The following FRMD4B variants were observed in gnomAD, a reference collection of about 807,000 sequenced individuals.
The protein encoded by FRMD4B is FERM domain-containing protein 4B.
Under a neutral mutation model 141.5 loss-of-function variants are expected in FRMD4B, and 74 were observed. The ratio of observed to expected loss-of-function variants is 0.52; its 90% CI spans 0.43 to 0.63. FRMD4B has a LOEUF of 0.63. FRMD4B is among the 30% of genes least tolerant of loss of function. The pLI is 0.00. For missense variants in FRMD4B, 1,366 were observed against 1,253.4 expected (o/e 1.09, Z -1.36); for synonymous variants, 506 against 467.9 (o/e 1.08, Z -1.05).
At chr3:69,500,733 T>A (rs1232587070) in intron 1 of FRMD4B, among the ~76,000 whole-genome samples, 3 of 142,960 alleles carry the variant, frequency 2.1e-5, no homozygotes, top group African/African-American at 7.9e-5. Context: ...AGGGAAGCAG[T>A]GACTGCCACA....
intron 7 of FRMD4B, among the ~76,000 whole-genome samples, chr3:69,237,798 T>A (rs1477351316): frequency 1.3e-5 from 2 of 152,212 alleles, no homozygotes; most frequent in Non-Finnish European, 2.9e-5. Flanking sequence ...TGGCGCGATC[T>A]CGGCTGACTG....
chr3:69,367,493 T>C (rs1200850151), intron 1 of FRMD4B, among the ~76,000 whole-genome samples: 4 of 151,814 alleles, frequency 2.6e-5, no homozygotes, highest in African/African-American at 7.3e-5. Flanking sequence ...TATATTGTCT[T>C]GTACTTTGTT....
chr3:69,257,733 C>T (rs1479039752), intron 5 of FRMD4B, among the ~76,000 whole-genome samples: 2 of 151,988 alleles, frequency 1.3e-5, no homozygotes, highest in African/African-American at 4.8e-5. Context: ...GCTGTCCTGG[C>T]TCACTGCAGT....
chr3:69,376,086 GACAC>G (rs1226659287), intron 1 of FRMD4B, among the ~76,000 whole-genome samples: 1 of 152,166 alleles, frequency 6.6e-6, no homozygotes, highest in Non-Finnish European at 1.5e-5. Flanking sequence ...AAATTTTACA[GACAC>G]ACAAAGAATT....
chr3:69,256,116 G>C (rs182708292), intron 5 of FRMD4B, among the ~76,000 whole-genome samples: 8 of 151,974 alleles, frequency 5.3e-5, no homozygotes, highest in South Asian at 2.1e-4. Context: ...AAAAGGTTGG[G>C]GGGGAGGGAC....
rs557712046 is a variant in FRMD4B at position 69,242,162 on chromosome 3, C to T, written c.581+7064G>A. On this transcript the variant is annotated intron_variant, in intron 7 of 22. Transcript: ENST00000398540. ...AATGGTTCCAGAGAGGCTAGGCAAA[C>T]TACCCACAGGTACATAACAAGTGGC... Among the ~76,000 whole-genome samples, 14 of 152,294 alleles carry T rather than the reference C, an allele frequency of 9.2e-5. No homozygotes were observed. In the South Asian group the frequency reaches 2.5e-3, roughly 27 times the overall value.
chr3:69,456,733 T>TAAA (rs60484143), intron 1 of FRMD4B, among the ~76,000 whole-genome samples: 53 of 129,164 alleles, frequency 4.1e-4, no homozygotes, highest in Non-Finnish European at 6.5e-4. Context: ...TCCATTTTTG[T>TAAA]AAAAAAAAAA....
intron 1 of FRMD4B, among the ~76,000 whole-genome samples, chr3:69,509,571 T>C (rs1056620970): frequency 6.6e-6 from 1 of 152,136 alleles, no homozygotes; most frequent in Admixed American, 6.5e-5. Context: ...GAAACGTGGG[T>C]CTAAATTTGA....
At chr3:69,425,234 G>A (rs1265185952) in intron 2 of FRMD4B, among the ~76,000 whole-genome samples, 1 of 152,106 alleles carries the variant, frequency 6.6e-6, no homozygotes, top group African/African-American at 2.4e-5. Flanking sequence ...ACACTGCATT[G>A]GCCAGAAAGG....
intron 1 of FRMD4B, among the ~76,000 whole-genome samples, chr3:69,506,415 G>A (rs2107082315): frequency 6.6e-6 from 1 of 151,490 alleles, no homozygotes; most frequent in East Asian, 1.9e-4. Context: ...TAGTTGTGCT[G>A]TGCATCCTGG....
At chr3:69,374,022 C>T (rs1293015189) in intron 1 of FRMD4B, among the ~76,000 whole-genome samples, 1 of 152,086 alleles carries the variant, frequency 6.6e-6, no homozygotes, top group Non-Finnish European at 1.5e-5. Flanking sequence ...AATGAGGCAC[C>T]AAGAAGTCAA....
chr3:69,256,033 G>A (rs1192539497), intron 5 of FRMD4B, among the ~76,000 whole-genome samples: 3 of 152,092 alleles, frequency 2.0e-5, no homozygotes, highest in Non-Finnish European at 4.4e-5. Flanking sequence ...GGAGTCCGAG[G>A]CTGCTGTGAG....
At chr3:69,255,089 T>A (rs938493971) in intron 5 of FRMD4B, among the ~76,000 whole-genome samples, 2 of 152,190 alleles carry the variant, frequency 1.3e-5, no homozygotes, top group African/African-American at 4.8e-5. Flanking sequence ...ACAACTGGAC[T>A]GTATATTAAA....
Position 69,196,255 on chromosome 3 carries a change from C to G in FRMD4B, c.1234G>C (p.Gly412Arg). Residue 412 changes from glycine (G) to arginine (R), a missense_variant and splice_region_variant, in exon 14 of 23, where the codon GGT (glycine) becomes CGT (arginine). Physicochemically the swap from Gly to Arg is moderately radical, Grantham distance 125. Coordinates refer to ENST00000398540, the MANE Select transcript of FRMD4B (RefSeq NM_015123.3). ...ACGTTCTCTAATCCCAAGATGTTAC[C>G]TGAGGAGATTAAACTGCCATTACTT... ...MASNGSLISSGSQDSEVSEEQ... is the reference protein window; with the variant it reads ...MASNGSLISSRSQDSEVSEEQ... 1 of 1,598,404 alleles carries G rather than the reference C, an allele frequency of 6.3e-7. No homozygotes were observed. The highest frequency in any genetic ancestry group is 8.5e-7 in the Non-Finnish European group (1 of 1,175,208).
At chr3:69,518,536 C>T (rs1006146151) in intron 1 of FRMD4B, among the ~76,000 whole-genome samples, 9 of 152,176 alleles carry the variant, frequency 5.9e-5, no homozygotes, top group Non-Finnish European at 1.2e-4. Context: ...CTAGAAATGA[C>T]AGTATTCTAT....
At chr3:69,437,951 T>A (rs1198157788) in intron 1 of FRMD4B, among the ~76,000 whole-genome samples, 1 of 140,440 alleles carries the variant, frequency 7.1e-6, no homozygotes, top group Non-Finnish European at 1.5e-5. Context: ...TAACATATAC[T>A]AATATAATAC....
chr3:69,521,090 C>A (rs1047176834), intron 1 of FRMD4B, among the ~76,000 whole-genome samples: 4 of 152,112 alleles, frequency 2.6e-5, no homozygotes, highest in African/African-American at 9.7e-5. Flanking sequence ...TCACTACTGG[C>A]TTTCTGTGCC....
At chr3:69,496,936 A>G (rs2107047329) in intron 1 of FRMD4B, among the ~76,000 whole-genome samples, 1 of 151,952 alleles carries the variant, frequency 6.6e-6, no homozygotes, top group African/African-American at 2.4e-5. Context: ...CTCTTCTCCC[A>G]ATAACAGCTT....
intron 1 of FRMD4B, among the ~76,000 whole-genome samples, chr3:69,449,978 G>A (rs1362514020): frequency 6.6e-6 from 1 of 152,088 alleles, no homozygotes; most frequent in African/African-American, 2.4e-5. Flanking sequence ...TTGTGGGCAT[G>A]GAAGTTACTT....
Sources: allele counts gnomAD v4.1 joint callset (sites outside exome capture counted in the v4.1 genomes callset), GRCh38; gene constraint gnomAD v4.1.1; transcripts MANE v1.5; gene names NCBI Gene and HGNC (gene_info 2026-07-23, HGNC 2026-07-21).